The following SNAPC1 variants were observed in gnomAD, a reference collection of about 807,000 sequenced individuals.
SNAPC1 encodes small nuclear RNA activating complex polypeptide 1, also known as snRNA-activating protein complex subunit 1.
SNAPC1 carries 42 observed loss-of-function variants against 50.1 expected under a neutral mutation model. The observed-to-expected ratio is 0.84, with a 90% CI of 0.65 to 1.08. SNAPC1 has a LOEUF of 1.08. Among genes scored for constraint, SNAPC1 ranks in the 50% least tolerant of loss-of-function variants. The pLI is 0.00. For synonymous variants in SNAPC1, 164 were observed against 144.2 expected, an observed-to-expected ratio of 1.14 and a Z score of -0.98; for missense variants, 477 against 427.3, an observed-to-expected ratio of 1.12 and a Z score of -1.02.
intron 8 of SNAPC1, among the ~76,000 whole-genome samples, chr14:61,792,098 A>G (rs1351526807): frequency 2.2e-5 from 3 of 134,346 alleles, no homozygotes; most frequent in African/African-American, 8.8e-5. Context: ...GTGAGACTCC[A>G]TTAAAAAAGA....
At chr14:61,771,991 A>G (rs1156314108) in intron 4 of SNAPC1, among the ~76,000 whole-genome samples, 1 of 152,194 alleles carries the variant, frequency 6.6e-6, no homozygotes, top group Non-Finnish European at 1.5e-5. Flanking sequence ...AGAAATGCTG[A>G]TGTGAATCAT....
At chr14:61,783,403 A>G (rs1468945536) in intron 8 of SNAPC1, among the ~76,000 whole-genome samples, 1 of 152,012 alleles carries the variant, frequency 6.6e-6, no homozygotes, top group East Asian at 1.9e-4. Context: ...TAAATAATGC[A>G]TTCTATAAAC....
intron 4 of SNAPC1, among the ~76,000 whole-genome samples, chr14:61,772,392 G>T (rs530760864): frequency 6.6e-6 from 1 of 152,282 alleles, no homozygotes; most frequent in Middle Eastern, 3.4e-3. Context: ...TTACAGGCAC[G>T]TGCCACCACG....
chr14:61,782,270 T>A lies in SNAPC1; in HGVS notation c.849T>A (p.Arg283=). The A allele has an allele frequency of 6.2e-7, 1 of 1,602,684 alleles. No homozygotes were observed. Among genetic ancestry groups the A allele is most frequent in the Non-Finnish European group, 8.5e-7 (1 of 1,176,670 alleles). ...VIQASKSRRH[R]QVKLDSSDSD... ...AGGCATCCAAATCAAGAAGGCATCG[T>A]CAAGTCAAACTCGACTCTTCTGACT... Residue 283 remains arginine, a synonymous_variant, in exon 8 of 10, where the codon CGT becomes CGA. Transcript: ENST00000216294.
rs972134794 is a variant in SNAPC1, at chr14:61,778,129, C to T, written c.751C>T (p.Gln251Ter). The T allele has an allele frequency of 4.6e-5, 73 of 1,601,512 alleles. No individual in the cohort carries two copies. The highest frequency in any genetic ancestry group is 6.1e-5 in the Non-Finnish European group (72 of 1,172,630). ...AGAAGAAAAAATGGAAGGAAATTCA[C>T]AAGAAACGGAGGTCAGAAAACTTTG... Reference protein sequence around the residue: ...DGEEKMEGNSQETERCERAES... With the variant: ...DGEEKMEGNS The change falls in exon 6 of 10, where the codon CAA (glutamine) becomes TAA (stop). Residue 251 changes from glutamine to a stop codon, truncating the protein, a stop_gained. Coordinates refer to ENST00000216294, the MANE Select transcript of SNAPC1 (RefSeq NM_003082.4). LOFTEE classifies it high-confidence loss of function.
chr14:61,766,936 G>C lies in SNAPC1; in HGVS notation c.189G>C (p.Trp63Cys), dbSNP rs144535324. ...CAAAAGAAGCTTTAGCTTTGGCTTG[G>C]CGATATTTTTTACCTCCATACACCT... The part of the protein sequence containing the change: ...MFTKEALALA[W>C]RYFLPPYTFQ... Residue 63 changes from tryptophan (W) to cysteine (C), a missense_variant, in exon 2 of 10, where the codon TGG (tryptophan) becomes TGC (cysteine). By Grantham distance (215) the Trp-to-Cys change is radical. Coordinates refer to ENST00000216294, the MANE Select transcript of SNAPC1 (RefSeq NM_003082.4). The C allele has an allele frequency of 3.0e-4, 476 of 1,611,548 alleles. No homozygotes were observed. The highest frequency in any genetic ancestry group is 2.1e-3 in the Middle Eastern group (13 of 6,078).
intron 8 of SNAPC1, among the ~76,000 whole-genome samples, chr14:61,784,495 A>G (rs1396371291): frequency 6.6e-6 from 1 of 152,178 alleles, no homozygotes; most frequent in Non-Finnish European, 1.5e-5. Context: ...TCAAGGAGTC[A>G]GCAAACAGTT....
chr14:61,762,607 C>A lies in SNAPC1; in HGVS notation c.128+19C>A, dbSNP rs1395938439. On this transcript the variant is annotated intron_variant, in intron 1 of 9. Coordinates refer to ENST00000216294, the MANE Select transcript of SNAPC1 (RefSeq NM_003082.4). ...TCTTCTGGTGGGTGTTTCTTGTCCA[C>A]CACCCGCCTCTCCCTGCCCGCAGGT... 2.5e-5 allele frequency: 40 copies of A among 1,585,966 alleles called. No homozygotes were observed. The highest frequency in any genetic ancestry group is 3.4e-5 in the Admixed American group (2 of 58,540).
In SNAPC1 at chr14:61,762,420, A is replaced by AGAGGCGTGCGGGCTTC; in HGVS notation, c.-39_-24dup. The AGAGGCGTGCGGGCTTC allele has an allele frequency of 7.2e-7, 1 of 1,387,534 alleles. No individual in the cohort carries two copies. Among genetic ancestry groups the AGAGGCGTGCGGGCTTC allele is most frequent in the Non-Finnish European group, 9.8e-7 (1 of 1,015,942 alleles). 86.0% of individuals were successfully genotyped at this position (1,387,534 alleles called of 1,614,324 possible). A position where few individuals can be genotyped will look rare whatever the true frequency, so the allele number is the denominator to read the frequency against. ...GGCGACCACCGCTGGCTAGTCCGTTAGAGGCGTGCGGGCTTCGGAGGCGTG... is the reference window on the plus strand; with the variant it reads ...GGCGACCACCGCTGGCTAGTCCGTTAGAGGCGTGCGGGCTTCGAGGCGTGCGGGCTTCGGAGGCGTG... On this transcript the variant is annotated 5_prime_UTR_variant, in exon 1 of 10. Coordinates refer to ENST00000216294, the MANE Select transcript of SNAPC1 (RefSeq NM_003082.4).
intron 8 of SNAPC1, among the ~76,000 whole-genome samples, chr14:61,792,333 A>G (rs998280719): frequency 6.6e-6 from 1 of 152,198 alleles, no homozygotes; most frequent in Admixed American, 6.5e-5. Flanking sequence ...TGAAAATGGA[A>G]AGTCAATCGC....
chr14:61,763,417 C>T (rs1436149818), intron 1 of SNAPC1, among the ~76,000 whole-genome samples: 1 of 151,608 alleles, frequency 6.6e-6, no homozygotes, highest in South Asian at 2.1e-4. Flanking sequence ...TCCTCACTGG[C>T]CTTTGCCTAT....
chr14:61,768,609 T>C (rs781018324), intron 3 of SNAPC1, 27 bp from the exon 4 acceptor site: 1 of 1,197,762 alleles, frequency 8.3e-7, no homozygotes, highest in Non-Finnish European at 1.2e-6. Context: ...AAGATACTCA[T>C]TTAAAAAGAC....
chr14:61,794,896 T>TTC, intron 9 of SNAPC1, 53 bp from the exon 10 acceptor site: 2 of 1,297,872 alleles, frequency 1.5e-6, no homozygotes, highest in Non-Finnish European at 2.2e-6. Context: ...TTTTTTTTGT[T>TTC]TGTTTTTTTT....
At position 61,766,871 on chromosome 14, in the gene SNAPC1, A is replaced by G. The variant is rs760105590; in HGVS notation, c.129-5A>G. 2.5e-6 allele frequency: 4 copies of G among 1,580,892 alleles called. No homozygotes were observed. The highest frequency in any genetic ancestry group is 2.2e-5 in the South Asian group (2 of 90,172). On this transcript the variant is annotated splice_region_variant and splice_polypyrimidine_tract_variant and intron_variant, in intron 1 of 9. Transcript: ENST00000216294. ...GTCGTAATATATTTTCTCTCTGTTTATTAGTGGCAGAATGAGAAATTTAGA... is the reference window on the plus strand; with the variant it reads ...GTCGTAATATATTTTCTCTCTGTTTGTTAGTGGCAGAATGAGAAATTTAGA...
At chr14:61,788,331 C>T (rs1316155247) in intron 8 of SNAPC1, among the ~76,000 whole-genome samples, 2 of 152,194 alleles carry the variant, frequency 1.3e-5, no homozygotes. Context: ...TGTAGTTTCT[C>T]ATTAATCAAA....
intron 1 of SNAPC1, among the ~76,000 whole-genome samples, chr14:61,766,350 A>G (rs533325739): frequency 1.3e-5 from 2 of 152,350 alleles, no homozygotes; most frequent in Admixed American, 6.5e-5. Context: ...GTTCCAGCCA[A>G]TAGAAACCGG....
chr14:61,776,846 C>T (rs1194280008), intron 5 of SNAPC1, among the ~76,000 whole-genome samples: 1 of 152,172 alleles, frequency 6.6e-6, no homozygotes, highest in Non-Finnish European at 1.5e-5. Flanking sequence ...CAAGTCTCAT[C>T]AACACAGATC....
At chr14:61,782,595 T>C (rs1263319248) in intron 8 of SNAPC1, among the ~76,000 whole-genome samples, 198 bp downstream of exon 8, 1 of 152,214 alleles carries the variant, frequency 6.6e-6, no homozygotes, top group African/African-American at 2.4e-5. Context: ...TCATATCAAA[T>C]GTATCGTTTT....
At chr14:61,762,981 CTTTT>C (rs145378546) in intron 1 of SNAPC1, among the ~76,000 whole-genome samples, 27 of 73,032 alleles carry the variant, frequency 3.7e-4, no homozygotes, top group East Asian at 1.6e-3. Flanking sequence ...CCAAAGTTGT[CTTTT>C]TTTTTTTTTT....
Sources: gnomAD v4.1 joint callset for allele counts (sites outside exome capture counted in the v4.1 genomes callset) on GRCh38, gnomAD v4.1.1 for gene constraint, MANE v1.5 for transcripts, NCBI Gene and HGNC (gene_info 2026-07-23, HGNC 2026-07-21) for gene names.